The following INTS6 variants were observed in gnomAD, a reference collection of about 807,000 sequenced individuals.
The protein encoded by INTS6 is DEAD box protein.
In INTS6, 16 loss-of-function variants were observed where a neutral mutation model predicts 104.9. The ratio of observed to expected loss-of-function variants is 0.15; its 90% CI spans 0.10 to 0.23. The LOEUF (loss-of-function observed/expected upper bound fraction) is 0.23. Ranked by LOEUF, INTS6 falls within the 10% of genes least tolerant of loss-of-function variation. The probability of loss-of-function intolerance (pLI) is 1.00; values close to 1 mark genes in which losing one functional copy is unlikely to be tolerated. For missense variants in INTS6, 584 were observed against 1,062.8 expected, an observed-to-expected ratio of 0.55 and a Z score of 6.26; for synonymous variants, 324 against 358.7, an observed-to-expected ratio of 0.90 and a Z score of 1.09.
intron 4 of INTS6, among the ~76,000 whole-genome samples, chr13:51,398,419 T>TA (rs1566224618): frequency 6.6e-6 from 1 of 152,052 alleles, no homozygotes; most frequent in Non-Finnish European, 1.5e-5. Context: ...TAAGGATACC[T>TA]AAAAGGAAAT....
chr13:51,334,623 G>A, the INTS6 span, among the ~76,000 whole-genome samples: 1 of 152,116 alleles, frequency 6.6e-6, no homozygotes, highest in East Asian at 1.9e-4. Context: ...ATTAATAAAC[G>A]TTTTTGAAAG....
rs184283705 is a variant in INTS6 at position 51,413,278 on chromosome 13, C to T, written c.429+17016G>A. On this transcript the variant is annotated intron_variant, in intron 4 of 17. Transcript: ENST00000311234. ...GCAGATCACAGCCTCTGCTGGGTCC[C>T]TTACCTGGGTATTTCTTCTCACTAA... Among the ~76,000 whole-genome samples, 6 of 152,290 alleles carry T rather than the reference C, an allele frequency of 3.9e-5. No homozygotes were observed. The East Asian group carries it at 7.7e-4, about 20-fold the overall frequency.
chr13:51,348,689 C>A, the INTS6 span: 186 of 410,604 alleles, frequency 4.5e-4, no homozygotes, highest in Admixed American at 1.2e-3. Flanking sequence ...GAATGGAGCC[C>A]CCCAGGACCC....
Position 51,452,955 on chromosome 13 carries a change from G to A in INTS6, c.-430C>T. On this transcript the variant is annotated 5_prime_UTR_variant, in exon 1 of 18. Coordinates refer to ENST00000311234, the MANE Select transcript of INTS6 (RefSeq NM_012141.3). The surrounding 1 kb of genome is among the most constrained non-coding windows in gnomAD (Gnocchi z 4.2). Reference sequence around the variant, plus strand: ...AGTGGGCTGAGGGAAGATTGGCCCTGGGGCTGTTGGGAGAAGTTTCAGGGA... The same window carrying A: ...AGTGGGCTGAGGGAAGATTGGCCCTAGGGCTGTTGGGAGAAGTTTCAGGGA... 1 of 1,029,856 alleles carries A rather than the reference G, an allele frequency of 9.7e-7. No homozygotes were observed. The highest frequency in any genetic ancestry group is 1.1e-4 in the East Asian group (1 of 9,054). 63.8% of individuals were successfully genotyped at this position (1,029,856 alleles called of 1,614,324 possible). A position where few individuals can be genotyped will look rare whatever the true frequency, so the allele number is the denominator to read the frequency against.
Position 51,395,814 on chromosome 13 carries a change from T to TTTTTC in INTS6, c.430-336_430-332dup, listed in dbSNP as rs558125263. Among the ~76,000 whole-genome samples the TTTTTC allele has an allele frequency of 1.9e-3, 290 of 152,264 alleles. 1 individual carries two copies. The highest frequency in any genetic ancestry group is 4.6e-3 in the South Asian group (22 of 4,824). The stretch of plus-strand genomic sequence containing the variant: ...AAACAACCCTGTGATAGATATGTTA[T>TTTTTC]TTTTCTTTTCTTTTCTTTTCTTTTT... On this transcript the variant is annotated intron_variant, in intron 4 of 17. Coordinates refer to ENST00000311234, the MANE Select transcript of INTS6 (RefSeq NM_012141.3).
intron 4 of INTS6, among the ~76,000 whole-genome samples, chr13:51,409,839 C>T (rs1360061158): frequency 6.6e-6 from 1 of 151,974 alleles, no homozygotes; most frequent in Non-Finnish European, 1.5e-5. Flanking sequence ...TATATTCAGA[C>T]AAGATGATTT....
intron 5 of INTS6, among the ~76,000 whole-genome samples, chr13:51,389,986 G>A (rs576567303): frequency 5.3e-5 from 8 of 152,134 alleles, no homozygotes; most frequent in South Asian, 4.2e-4. Flanking sequence ...AGATGGTAGC[G>A]TGTGCTTTTC....
the INTS6 span, among the ~76,000 whole-genome samples, chr13:51,338,585 C>T: frequency 2.6e-5 from 4 of 152,154 alleles, no homozygotes; most frequent in Non-Finnish European, 2.9e-5. Context: ...ATGATATGCC[C>T]TCTCTGGGTG....
At chr13:51,374,853 T>C (rs1955886086) in intron 13 of INTS6, 57 bp from the exon 14 acceptor site, 2 of 1,565,842 alleles carry the variant, frequency 1.3e-6, no homozygotes, top group Admixed American at 1.7e-5. Context: ...TCTCAAATAA[T>C]GTTTCCTTAT....
chr13:51,413,141 G>A (rs1201419186), intron 4 of INTS6, among the ~76,000 whole-genome samples: 1 of 152,080 alleles, frequency 6.6e-6, no homozygotes, highest in African/African-American at 2.4e-5. Flanking sequence ...CAGACAGTAA[G>A]CAAATAAGCA....
intron 7 of INTS6, among the ~76,000 whole-genome samples, chr13:51,386,552 A>G (rs1956143960): frequency 6.6e-6 from 1 of 152,194 alleles, no homozygotes; most frequent in African/African-American, 2.4e-5. Flanking sequence ...AATAAAGGAA[A>G]TATCACTTTA....
At chr13:51,441,303 A>G (rs1462627974) in intron 3 of INTS6, 1 of 152,188 alleles carries the variant, frequency 6.6e-6, no homozygotes. Flanking sequence ...AATAAGAGAA[A>G]ATACATAAAA....
chr13:51,348,556 A>C, the INTS6 span: 1 of 642,194 alleles, frequency 1.6e-6, no homozygotes. Context: ...TTAGACCAAG[A>C]GGAAGTGACC....
chr13:51,358,743 T>C (rs1020539737), downstream of INTS6, among the ~76,000 whole-genome samples: 1 of 152,018 alleles, frequency 6.6e-6, no homozygotes, highest in Non-Finnish European at 1.5e-5. Flanking sequence ...TAAAAACCCA[T>C]AGAAGATGTT....
chr13:51,405,133 T>C lies in INTS6; in HGVS notation c.430-9650A>G, dbSNP rs182369868. ...CCAGAACCTCATGCAAGTTAGGGAG[T>C]AATGAAGAGTGAAGATCATGATCAA... On this transcript the variant is annotated intron_variant, in intron 4 of 17. Transcript: ENST00000311234. Among the ~76,000 whole-genome samples the C allele has an allele frequency of 2.0e-5, 3 of 151,884 alleles. No individual in the cohort carries two copies. In the East Asian group the frequency reaches 5.8e-4, roughly 29 times the overall value.
intron 4 of INTS6, among the ~76,000 whole-genome samples, chr13:51,401,659 A>G (rs1956443519): frequency 6.6e-6 from 1 of 152,168 alleles, no homozygotes; most frequent in South Asian, 2.1e-4. Context: ...ATATTAATTC[A>G]TTTAACCCAC....
chr13:51,341,271 C>T, the INTS6 span: 3 of 1,613,844 alleles, frequency 1.9e-6, no homozygotes, highest in Admixed American at 1.7e-5. Context: ...TGTCCCTCCC[C>T]CTGGAGATCC....
intron 10 of INTS6, among the ~76,000 whole-genome samples, chr13:51,380,968 T>C (rs1236707093): frequency 6.6e-6 from 1 of 152,182 alleles, no homozygotes; most frequent in Non-Finnish European, 1.5e-5. Context: ...ATGGATTCCG[T>C]ATTCTGTGAA....
At chr13:51,371,577 C>A (rs2137873562) in intron 15 of INTS6, among the ~76,000 whole-genome samples, 2 of 152,206 alleles carry the variant, frequency 1.3e-5, no homozygotes, top group South Asian at 4.1e-4. Context: ...TTGCCCCAGA[C>A]TTGCATTTGG....
Sources: allele counts gnomAD v4.1 joint callset (sites outside exome capture counted in the v4.1 genomes callset), GRCh38; gene constraint gnomAD v4.1.1; non-coding constraint Gnocchi (gnomAD v3.1); transcripts MANE v1.5; gene names NCBI Gene and HGNC (gene_info 2026-07-23, HGNC 2026-07-21).